EPHA6: variants seen among roughly 807,000 people sequenced by gnomAD.
The protein encoded by EPHA6 is EPH receptor A6.
In EPHA6, 50 loss-of-function variants were observed where a neutral mutation model predicts 112.0. The observed-to-expected ratio is 0.45, with a 90% CI of 0.36 to 0.56. The LOEUF is 0.56. Among genes scored for constraint, EPHA6 ranks in the 20% least tolerant of loss-of-function variants. The pLI is 0.00. For synonymous variants in EPHA6, 529 were observed against 490.7 expected, an observed-to-expected ratio of 1.08 and a Z score of -1.03; for missense variants, 1,280 against 1,417.4, an observed-to-expected ratio of 0.90 and a Z score of 1.56.
At chr3:97,386,225 C>A (rs1488936996) in intron 5 of EPHA6, among the ~76,000 whole-genome samples, 1 of 152,066 alleles carries the variant, frequency 6.6e-6, no homozygotes, top group Non-Finnish European at 1.5e-5. Context: ...CTGATTAAAC[C>A]TTAGTTACTT....
intron 14 of EPHA6, among the ~76,000 whole-genome samples, chr3:97,650,739 T>C (rs576375959): frequency 1.3e-4 from 20 of 151,598 alleles, no homozygotes; most frequent in South Asian, 6.2e-4. Flanking sequence ...AAGAGGACTC[T>C]ACTCTTCTTT....
At chr3:97,065,741 C>T (rs939805054) in intron 3 of EPHA6, among the ~76,000 whole-genome samples, 1 of 151,958 alleles carries the variant, frequency 6.6e-6, no homozygotes, top group African/African-American at 2.4e-5. Context: ...CATACATGAG[C>T]CAACATGTTA....
At chr3:97,213,452 G>A (rs563762548) in intron 3 of EPHA6, among the ~76,000 whole-genome samples, 32 of 152,084 alleles carry the variant, frequency 2.1e-4, no homozygotes, top group Admixed American at 6.5e-4. Flanking sequence ...CAAGAGTTAA[G>A]CAAGAAAAGA....
intron 5 of EPHA6, among the ~76,000 whole-genome samples, chr3:97,402,319 T>G (rs139349448): frequency 2.6e-5 from 4 of 152,238 alleles, no homozygotes; most frequent in African/African-American, 7.2e-5. Context: ...TTTATATATC[T>G]GGTTGCTGCA....
intron 3 of EPHA6, among the ~76,000 whole-genome samples, chr3:97,170,655 T>C (rs1235065337): frequency 6.6e-6 from 1 of 152,090 alleles, no homozygotes; most frequent in African/African-American, 2.4e-5. Context: ...GAGAATTGCC[T>C]GAGCCCAGGA....
At chr3:97,288,525 A>G (rs1445718644) in intron 5 of EPHA6, among the ~76,000 whole-genome samples, 2 of 152,056 alleles carry the variant, frequency 1.3e-5, no homozygotes, top group African/African-American at 4.8e-5. Context: ...TGCAGTTTTG[A>G]ATAGTGCTGC....
At chr3:97,484,132 C>A in intron 10 of EPHA6, 73 bp downstream of exon 10, 1 of 1,385,944 alleles carries the variant, frequency 7.2e-7, no homozygotes, top group South Asian at 1.8e-5. Flanking sequence ...AACATACTAT[C>A]TTAAATCTTG....
chr3:97,391,317 G>T (rs2086383123), intron 5 of EPHA6, among the ~76,000 whole-genome samples: 1 of 151,896 alleles, frequency 6.6e-6, no homozygotes, highest in Non-Finnish European at 1.5e-5. Flanking sequence ...ATAGTCAAAT[G>T]AAAGCTACTT....
At chr3:97,547,996 C>T (rs998662228) in intron 11 of EPHA6, among the ~76,000 whole-genome samples, 2 of 152,166 alleles carry the variant, frequency 1.3e-5, no homozygotes, top group African/African-American at 4.8e-5. Context: ...AAGGGAATTC[C>T]CTGACCCCTT....
At chr3:96,993,418 T>G (rs1353751378) in intron 3 of EPHA6, among the ~76,000 whole-genome samples, 1 of 151,922 alleles carries the variant, frequency 6.6e-6, no homozygotes, top group East Asian at 1.9e-4. Context: ...AGCCTCAGCC[T>G]CCTGAGTAAC....
At chr3:96,936,984 C>T (rs1392932752) in intron 2 of EPHA6, among the ~76,000 whole-genome samples, 1 of 152,112 alleles carries the variant, frequency 6.6e-6, no homozygotes, top group East Asian at 1.9e-4. Flanking sequence ...GTATATGTGC[C>T]ACATTTTCTT....
intron 3 of EPHA6, among the ~76,000 whole-genome samples, chr3:97,008,097 T>C (rs1021213899): frequency 7.2e-5 from 11 of 152,202 alleles, no homozygotes; most frequent in African/African-American, 2.7e-4. Context: ...GATTATGTTC[T>C]TGTGGAGTAT....
At chr3:97,659,950 T>C (rs1482424625) in intron 14 of EPHA6, among the ~76,000 whole-genome samples, 1 of 152,024 alleles carries the variant, frequency 6.6e-6, no homozygotes, top group Non-Finnish European at 1.5e-5. Flanking sequence ...TAAGGCATTT[T>C]AGCACCTAGT....
chr3:97,385,012 T>C (rs1310553282), intron 5 of EPHA6, among the ~76,000 whole-genome samples: 1 of 152,208 alleles, frequency 6.6e-6, no homozygotes, highest in East Asian at 1.9e-4. Context: ...ACCTTCATCA[T>C]GGCTGATTTA....
chr3:97,141,756 T>G (rs2108353590), intron 3 of EPHA6, among the ~76,000 whole-genome samples: 1 of 151,848 alleles, frequency 6.6e-6, no homozygotes, highest in Non-Finnish European at 1.5e-5. Context: ...CAACCTAATA[T>G]CGTAACTCAA....
chr3:97,216,571 C>T (rs956704176), intron 3 of EPHA6, among the ~76,000 whole-genome samples: 1 of 152,158 alleles, frequency 6.6e-6, no homozygotes, highest in Non-Finnish European at 1.5e-5. Context: ...TCATCTCATG[C>T]TTTTCTTTTG....
intron 3 of EPHA6, among the ~76,000 whole-genome samples, chr3:97,005,050 G>A (rs571027661): frequency 6.6e-6 from 1 of 152,296 alleles, no homozygotes; most frequent in South Asian, 2.1e-4. Flanking sequence ...GTAGTGTGAT[G>A]CCTCCAGCTT....
chr3:97,426,257 C>T (rs2089113227), intron 6 of EPHA6, among the ~76,000 whole-genome samples: 1 of 152,186 alleles, frequency 6.6e-6, no homozygotes, highest in African/African-American at 2.4e-5. Context: ...TTCCATATAG[C>T]TGGGGAGGCC....
chr3:96,891,180 T>C (rs897841580), intron 2 of EPHA6, among the ~76,000 whole-genome samples: 1 of 152,110 alleles, frequency 6.6e-6, no homozygotes, highest in African/African-American at 2.4e-5. Context: ...CAAAGAAACG[T>C]GGACATAACT....
Sources: gnomAD v4.1 joint callset for allele counts (sites outside exome capture counted in the v4.1 genomes callset) on GRCh38, gnomAD v4.1.1 for gene constraint, MANE v1.5 for transcripts, NCBI Gene and HGNC (gene_info 2026-07-23, HGNC 2026-07-21) for gene names.